The following PCDH11X variants were observed in gnomAD, a reference collection of about 807,000 sequenced individuals.
PCDH11X encodes the protein protocadherin-11 X-linked.
In PCDH11X, 18 loss-of-function variants were observed where a neutral mutation model predicts 53.3. That is an observed-to-expected ratio of 0.34 (90% CI 0.23 to 0.50). The LOEUF (loss-of-function observed/expected upper bound fraction) is 0.50, where lower values mean the gene tolerates loss of function less well. Ranked by LOEUF, PCDH11X falls within the 20% of genes least tolerant of loss-of-function variation. The pLI is 0.98. For synonymous variants in PCDH11X, 279 were observed against 393.3 expected, an observed-to-expected ratio of 0.71 and a Z score of 3.44; for missense variants, 570 against 1,032.4, an observed-to-expected ratio of 0.55 and a Z score of 6.14.
At chrX:91,806,220 TA>T (rs746161803) in intron 1 of PCDH11X, among the ~76,000 whole-genome samples, 2 of 112,973 alleles carry the variant, frequency 1.8e-5, no homozygotes, top group Non-Finnish European at 1.9e-5. Context: ...CTTGCTAGAA[TA>T]AAAAAAAATG....
chrX:91,799,031 A>G lies in PCDH11X; in HGVS notation c.-378-10435A>G, dbSNP rs1011288424. ...AGGTCACATTTATTCTGTTTTCCTT[A>G]TATCATCAGCTAATACTTAATGAAA... On this transcript the variant is annotated intron_variant, in intron 1 of 10. Coordinates refer to ENST00000682573, the MANE Select transcript of PCDH11X (RefSeq NM_032968.5). 6.3e-5 allele frequency among the ~76,000 whole-genome samples: 7 copies of G among 111,460 alleles called. No individual in the cohort carries two copies. In the Admixed American group the frequency reaches 6.7e-4, roughly 11 times the overall value.
chrX:91,810,451 GA>G (rs982460867), intron 2 of PCDH11X, 21 bp from the exon 3 acceptor site: 1 of 111,821 alleles, frequency 8.9e-6, no homozygotes, highest in Non-Finnish European at 1.9e-5. Context: ...AAAGCCAACT[GA>G]AAGTGTTTTA....
In PCDH11X at chrX:92,622,456, C is replaced by T. The variant is rs1301132099; in HGVS notation, c.*3516C>T. 3 of 110,815 alleles carry T rather than the reference C, an allele frequency of 2.7e-5. No homozygotes were observed. The highest frequency in any genetic ancestry group is 5.7e-5 in the Non-Finnish European group (3 of 52,819). The allele number at this position is 110,815 out of a possible 1,213,427, so 9.1% of individuals were successfully genotyped here. On this transcript the variant is annotated 3_prime_UTR_variant, in exon 11 of 11. Transcript: ENST00000682573. The stretch of plus-strand genomic sequence containing the variant: ...GAAGGTGTGTATACTCCCTAATACA[C>T]ATTTATGAAAATCTACTTGTTTAGG...
chrX:92,138,424 G>A (rs774660822), intron 6 of PCDH11X, among the ~76,000 whole-genome samples: 1 of 109,894 alleles, frequency 9.1e-6, no homozygotes, highest in Admixed American at 9.8e-5. Flanking sequence ...AATTATGGCA[G>A]CATAAATATA....
chrX:92,435,813 G>A (rs1049238165), intron 9 of PCDH11X, among the ~76,000 whole-genome samples: 1 of 111,107 alleles, frequency 9.0e-6, no homozygotes, highest in African/African-American at 3.3e-5. Context: ...AGGAAAGACT[G>A]CTACCAGCCT....
intron 6 of PCDH11X, among the ~76,000 whole-genome samples, chrX:92,065,887 C>T (rs1482675261): frequency 9.0e-6 from 1 of 110,751 alleles, no homozygotes; most frequent in Non-Finnish European, 1.9e-5. Flanking sequence ...GTCCATTTTG[C>T]TTTGGTTGCC....
chrX:91,998,491 T>C (rs2062455356), intron 6 of PCDH11X, among the ~76,000 whole-genome samples: 2 of 48,626 alleles, frequency 4.1e-5, no homozygotes, highest in Admixed American at 3.2e-4. Context: ...ATCAATTTTG[T>C]TTATCTTTGC....
chrX:92,253,771 A>G (rs2067506560), intron 7 of PCDH11X, among the ~76,000 whole-genome samples: 1 of 111,876 alleles, frequency 8.9e-6, no homozygotes, highest in Non-Finnish European at 1.9e-5. Flanking sequence ...AATGCTACTG[A>G]TTTTTGTATG....
intron 7 of PCDH11X, among the ~76,000 whole-genome samples, chrX:92,207,517 G>A (rs1291808160): frequency 9.0e-6 from 1 of 111,364 alleles, no homozygotes; most frequent in Non-Finnish European, 1.9e-5. Flanking sequence ...ACATTGAATG[G>A]CAATTGCCCT....
intron 9 of PCDH11X, among the ~76,000 whole-genome samples, chrX:92,466,186 G>T (rs2073154063): frequency 1.8e-5 from 2 of 110,305 alleles, no homozygotes; most frequent in Non-Finnish European, 3.8e-5. Context: ...TATAAAATTC[G>T]GTTGGATTAT....
At chrX:92,270,859 G>T (rs1308503100) in intron 8 of PCDH11X, among the ~76,000 whole-genome samples, 1 of 111,960 alleles carries the variant, frequency 8.9e-6, no homozygotes, top group African/African-American at 3.2e-5. Flanking sequence ...GCATGACTCA[G>T]CTTTGAGCTT....
intron 9 of PCDH11X, among the ~76,000 whole-genome samples, chrX:92,411,016 G>C (rs949874508): frequency 1.8e-5 from 2 of 109,907 alleles, no homozygotes; most frequent in African/African-American, 6.7e-5. Flanking sequence ...TGTACATCCT[G>C]TTATTACTGG....
At chrX:91,817,693 C>G (rs887454905) in intron 4 of PCDH11X, among the ~76,000 whole-genome samples, 5 of 111,155 alleles carry the variant, frequency 4.5e-5, no homozygotes, top group Non-Finnish European at 9.4e-5. Flanking sequence ...CAGCTACACA[C>G]AGCAAGAGGT....
intron 6 of PCDH11X, among the ~76,000 whole-genome samples, chrX:92,089,797 A>G (rs1268978810): frequency 9.2e-6 from 1 of 109,256 alleles, no homozygotes; most frequent in Admixed American, 1.0e-4. Context: ...TGCTGGGATT[A>G]CAGGCATGAG....
chrX:91,827,114 C>T lies in PCDH11X; in HGVS notation c.-44-8347C>T, dbSNP rs566556660. ...AAGTATTCTCTTTTGTCTGCAACCTCGCCAGCATATGTTATTTTTGACTTG... is the reference window on the plus strand; with the variant it reads ...AAGTATTCTCTTTTGTCTGCAACCTTGCCAGCATATGTTATTTTTGACTTG... On this transcript the variant is annotated intron_variant, in intron 4 of 10. Coordinates refer to ENST00000682573, the MANE Select transcript of PCDH11X (RefSeq NM_032968.5). Among the ~76,000 whole-genome samples, 15 of 111,558 alleles carry T rather than the reference C, an allele frequency of 1.3e-4. No individual in the cohort carries two copies. The South Asian group carries it at 3.0e-3, about 23-fold the overall frequency.
chrX:92,607,248 TAAG>T (rs1335509354), intron 10 of PCDH11X, among the ~76,000 whole-genome samples: 1 of 108,032 alleles, frequency 9.3e-6, no homozygotes, highest in Non-Finnish European at 1.9e-5. Flanking sequence ...AATGGATAAA[TAAG>T]AAGTAGCATA....
chrX:92,088,580 A>C (rs1260172512), intron 6 of PCDH11X, among the ~76,000 whole-genome samples: 1 of 111,353 alleles, frequency 9.0e-6, no homozygotes, highest in East Asian at 2.8e-4. Flanking sequence ...GCTCAAAAAC[A>C]CTTCTGATTT....
intron 7 of PCDH11X, among the ~76,000 whole-genome samples, chrX:92,247,138 T>C (rs2067366732): frequency 1.8e-5 from 2 of 111,970 alleles, no homozygotes; most frequent in South Asian, 7.4e-4. Context: ...AGAAGCCTTA[T>C]CGCATTCATT....
At chrX:91,811,698 T>A (rs946686433) in intron 4 of PCDH11X, among the ~76,000 whole-genome samples, 1 of 105,341 alleles carries the variant, frequency 9.5e-6, no homozygotes, top group African/African-American at 3.5e-5. Context: ...GTTATCAGTG[T>A]ACTGAAAAAT....
Sources: allele counts gnomAD v4.1 joint callset (sites outside exome capture counted in the v4.1 genomes callset), GRCh38; gene constraint gnomAD v4.1.1; transcripts MANE v1.5; gene names NCBI Gene and HGNC (gene_info 2026-07-23, HGNC 2026-07-21).